The following CNTNAP5 variants were observed in gnomAD, a reference collection of about 807,000 sequenced individuals.
CNTNAP5 encodes the protein contactin associated protein family member 5.
Under a neutral mutation model 150.2 loss-of-function variants are expected in CNTNAP5, and 72 were observed. That is an observed-to-expected ratio of 0.48 (90% CI 0.40 to 0.58). The LOEUF (loss-of-function observed/expected upper bound fraction) is 0.58, where lower values mean the gene tolerates loss of function less well. CNTNAP5 is among the 20% of genes least tolerant of loss of function. CNTNAP5 has a pLI of 0.00. For missense variants in CNTNAP5, 1,636 were observed against 1,626.2 expected, an observed-to-expected ratio of 1.01 and a Z score of -0.10; for synonymous variants, 672 against 619.8, an observed-to-expected ratio of 1.08 and a Z score of -1.25.
At chr2:124,801,565 C>T (rs934573991) in intron 19 of CNTNAP5, among the ~76,000 whole-genome samples, 3 of 152,128 alleles carry the variant, frequency 2.0e-5, no homozygotes, top group Non-Finnish European at 4.4e-5. Context: ...AAAATAATAA[C>T]CTCTGAGTTT....
intron 13 of CNTNAP5, among the ~76,000 whole-genome samples, chr2:124,719,741 G>A (rs1221838137): frequency 6.6e-6 from 1 of 151,942 alleles, no homozygotes; most frequent in African/African-American, 2.4e-5. Context: ...TTTTTATTAT[G>A]AAATCTTAAG....
chr2:124,632,597 G>A (rs183184649), intron 12 of CNTNAP5, among the ~76,000 whole-genome samples: 9 of 151,836 alleles, frequency 5.9e-5, no homozygotes, highest in South Asian at 4.2e-4. Context: ...AATCTAATTC[G>A]TGCTGGGCTT....
chr2:124,602,919 C>A (rs1201654952), intron 11 of CNTNAP5, among the ~76,000 whole-genome samples: 2 of 152,170 alleles, frequency 1.3e-5, no homozygotes, highest in Non-Finnish European at 2.9e-5. Context: ...ATAATTGTAA[C>A]TATCAAAATT....
At chr2:124,836,249 C>A (rs935027678) in intron 19 of CNTNAP5, among the ~76,000 whole-genome samples, 1 of 152,036 alleles carries the variant, frequency 6.6e-6, no homozygotes, top group Non-Finnish European at 1.5e-5. Flanking sequence ...TGAATGGTTT[C>A]CAAAATGCTT....
chr2:124,713,287 T>TCTTTC lies in CNTNAP5; in HGVS notation c.2078-33942_2078-33941insCTTTC, dbSNP rs1558746754. Among the ~76,000 whole-genome samples the TCTTTC allele has an allele frequency of 3.3e-4, 42 of 128,286 alleles. 1 individual carries two copies. Among genetic ancestry groups the TCTTTC allele is most frequent in the Middle Eastern group, 4.1e-3 (1 of 242 alleles). 84.2% of individuals were successfully genotyped at this position (128,286 alleles called of 152,430 possible). A position where few individuals can be genotyped will look rare whatever the true frequency, so the allele number is the denominator to read the frequency against. ...TTTCTTTCTTTCTTTCTTTCTTTCT[T>TCTTTC]TCTTTCTTTCTTTCTTCTTTCTCTT... On this transcript the variant is annotated intron_variant, in intron 13 of 23. Coordinates refer to ENST00000682447, the MANE Select transcript of CNTNAP5 (RefSeq NM_001367498.1).
chr2:124,509,787 G>T (rs1478028955), intron 8 of CNTNAP5, among the ~76,000 whole-genome samples: 1 of 151,944 alleles, frequency 6.6e-6, no homozygotes, highest in Non-Finnish European at 1.5e-5. Flanking sequence ...AAGGAAAGTG[G>T]CTATTTAGGT....
chr2:124,312,760 C>T (rs931972854), intron 3 of CNTNAP5, among the ~76,000 whole-genome samples: 4 of 152,142 alleles, frequency 2.6e-5, no homozygotes, highest in East Asian at 1.9e-4. Flanking sequence ...TTAGTAGAGA[C>T]GGGGTTTCAC....
At chr2:124,279,249 C>G (rs186258792) in intron 3 of CNTNAP5, among the ~76,000 whole-genome samples, 214 of 143,916 alleles carry the variant, frequency 1.5e-3, no homozygotes, top group African/African-American at 5.4e-3. Flanking sequence ...GTGTGTGTGT[C>G]TGTGTGTGTG....
At position 124,456,699 on chromosome 2, in the gene CNTNAP5, G is replaced by A. The variant is rs146111265; in HGVS notation, c.918+9762G>A. On this transcript the variant is annotated intron_variant, in intron 6 of 23. Coordinates refer to ENST00000682447, the MANE Select transcript of CNTNAP5 (RefSeq NM_001367498.1). Reference sequence around the variant, plus strand: ...AGGCCATAGTAACCAAAACAGCATGGTACTGGAAGAAAAACAGGCACATCC... The same window carrying A: ...AGGCCATAGTAACCAAAACAGCATGATACTGGAAGAAAAACAGGCACATCC... 8.4e-4 allele frequency among the ~76,000 whole-genome samples: 128 copies of A among 152,258 alleles called. 1 individual carries two copies. Among genetic ancestry groups the A allele is most frequent in the Non-Finnish European group, 1.6e-3 (108 of 68,010 alleles).
intron 19 of CNTNAP5, among the ~76,000 whole-genome samples, chr2:124,859,104 C>G (rs1414005727): frequency 6.6e-6 from 1 of 151,824 alleles, no homozygotes; most frequent in African/African-American, 2.4e-5. Context: ...AAGAAACTAC[C>G]ATCAGAGTGA....
intron 10 of CNTNAP5, among the ~76,000 whole-genome samples, chr2:124,538,495 G>A (rs994512368): frequency 6.8e-6 from 1 of 148,090 alleles, no homozygotes; most frequent in African/African-American, 2.5e-5. Context: ...GAAAGAGAGA[G>A]AGAAAGAGAG....
intron 10 of CNTNAP5, among the ~76,000 whole-genome samples, chr2:124,534,515 A>T (rs1695184588): frequency 6.6e-6 from 1 of 152,138 alleles, no homozygotes; most frequent in Admixed American, 6.5e-5. Flanking sequence ...TAACTTCCAG[A>T]TGTTGCCATG....
chr2:124,830,265 A>C (rs919628774), intron 19 of CNTNAP5, among the ~76,000 whole-genome samples: 3 of 152,066 alleles, frequency 2.0e-5, no homozygotes, highest in Non-Finnish European at 4.4e-5. Context: ...TAAAATAATA[A>C]TTATTCATTT....
chr2:124,351,662 T>A lies in CNTNAP5; in HGVS notation c.382-65781T>A, dbSNP rs114003282. On this transcript the variant is annotated intron_variant, in intron 3 of 23. Coordinates refer to ENST00000682447, the MANE Select transcript of CNTNAP5 (RefSeq NM_001367498.1). ...GAAGCAGAAGGGCAATCATGGAGAA[T>A]AAGAAAGAAATGTTTCCCTACATCT... Among the ~76,000 whole-genome samples the A allele has an allele frequency of 8.4e-3, 1,276 of 152,156 alleles. 15 individuals carry two copies. The highest frequency in any genetic ancestry group is 0.015 in the Non-Finnish European group (1,027 of 67,978).
At chr2:124,848,380 G>A (rs1218340952) in intron 19 of CNTNAP5, among the ~76,000 whole-genome samples, 1 of 152,066 alleles carries the variant, frequency 6.6e-6, no homozygotes, top group East Asian at 1.9e-4. Context: ...GCTAAATAAT[G>A]TACCACTTTT....
intron 21 of CNTNAP5, among the ~76,000 whole-genome samples, chr2:124,882,461 A>G (rs1330718960): frequency 2.6e-5 from 4 of 152,120 alleles, no homozygotes; most frequent in Non-Finnish European, 5.9e-5. Context: ...ACTTGTATTC[A>G]AAGGGCATCA....
intron 1 of CNTNAP5, among the ~76,000 whole-genome samples, chr2:124,113,425 C>T (rs776176674): frequency 2.4e-4 from 37 of 151,564 alleles, no homozygotes; most frequent in Non-Finnish European, 5.2e-4. Flanking sequence ...AAATGAAATA[C>T]TAGGTCTGTT....
chr2:124,350,853 C>T (rs996942408), intron 3 of CNTNAP5, among the ~76,000 whole-genome samples: 22 of 152,110 alleles, frequency 1.4e-4, no homozygotes, highest in African/African-American at 4.3e-4. Flanking sequence ...CCTTATGGCC[C>T]TCTCTTTAAA....
rs1488882198 is a variant in CNTNAP5, at chr2:124,253,493, C to A, written c.381+11100C>A. Among the ~76,000 whole-genome samples the A allele has an allele frequency of 7.9e-5, 12 of 152,130 alleles. 1 individual carries two copies. The highest frequency in any genetic ancestry group is 6.6e-4 in the Admixed American group (10 of 15,262). On this transcript the variant is annotated intron_variant, in intron 3 of 23. Transcript: ENST00000682447. The stretch of plus-strand genomic sequence containing the variant: ...TTCCACTACCTCCTTGGCAGGTATG[C>A]CAGCTGCCTTACTTTAAAAAGCAAC...
Sources: gnomAD v4.1 joint callset for allele counts (sites outside exome capture counted in the v4.1 genomes callset) on GRCh38, gnomAD v4.1.1 for gene constraint, MANE v1.5 for transcripts, NCBI Gene and HGNC (gene_info 2026-07-23, HGNC 2026-07-21) for gene names.